The following GRID1 variants were observed in gnomAD, a reference collection of about 807,000 sequenced individuals.
GRID1 encodes the protein glutamate ionotropic receptor delta type subunit 1.
In GRID1, 28 loss-of-function variants were observed where a neutral mutation model predicts 98.0. The ratio of observed to expected loss-of-function variants is 0.29; its 90% CI spans 0.21 to 0.39. The LOEUF (loss-of-function observed/expected upper bound fraction) is 0.39. Among genes scored for constraint, GRID1 ranks in the 10% least tolerant of loss-of-function variants. GRID1 has a pLI of 1.00. For missense variants in GRID1, 1,111 were observed against 1,340.5 expected (o/e 0.83, Z 2.67); for synonymous variants, 553 against 538.5 (o/e 1.03, Z -0.37).
chr10:85,867,717 T>C (rs923596733), intron 6 of GRID1, among the ~76,000 whole-genome samples: 1 of 152,150 alleles, frequency 6.6e-6, no homozygotes, highest in Non-Finnish European at 1.5e-5. Context: ...GGGCCTTGGG[T>C]CCACTCTCTT....
chr10:86,218,448 G>C (rs1846207140), intron 2 of GRID1, among the ~76,000 whole-genome samples: 1 of 152,170 alleles, frequency 6.6e-6, no homozygotes, highest in Non-Finnish European at 1.5e-5. Flanking sequence ...TTCTAGGAAA[G>C]GTTGGAGTGG....
intron 13 of GRID1, among the ~76,000 whole-genome samples, chr10:85,641,676 C>T (rs565994821): frequency 2.0e-5 from 3 of 152,310 alleles, no homozygotes; most frequent in African/African-American, 7.2e-5. Flanking sequence ...ATCAAGTAGT[C>T]GGTTTCAGAT....
At chr10:86,014,075 T>C (rs967023093) in intron 4 of GRID1, among the ~76,000 whole-genome samples, 4 of 152,202 alleles carry the variant, frequency 2.6e-5, no homozygotes, top group African/African-American at 7.2e-5. Flanking sequence ...CAACTTTTAA[T>C]GGGGCCCAGA....
At chr10:86,129,739 A>T (rs935192689) in intron 4 of GRID1, among the ~76,000 whole-genome samples, 3 of 152,230 alleles carry the variant, frequency 2.0e-5, no homozygotes, top group Non-Finnish European at 4.4e-5. Flanking sequence ...ACTAGGGCCT[A>T]TGCTAGATGG....
At chr10:86,302,131 GC>G (rs1365399740) in intron 2 of GRID1, among the ~76,000 whole-genome samples, 1 of 152,160 alleles carries the variant, frequency 6.6e-6, no homozygotes, top group Non-Finnish European at 1.5e-5. Context: ...CCTCACCCTG[GC>G]ACATGGTCTA....
chr10:86,020,455 C>T (rs546712464), intron 4 of GRID1, among the ~76,000 whole-genome samples: 1 of 152,340 alleles, frequency 6.6e-6, no homozygotes, highest in East Asian at 1.9e-4. Flanking sequence ...GGCACAGCCC[C>T]AGCACAGCCT....
chr10:85,918,056 C>T (rs1309385258), intron 4 of GRID1, among the ~76,000 whole-genome samples: 1 of 152,238 alleles, frequency 6.6e-6, no homozygotes, highest in African/African-American at 2.4e-5. Flanking sequence ...GCTCTGAGCG[C>T]ATCGCTGGGC....
At chr10:85,855,465 C>T (rs942550153) in intron 7 of GRID1, among the ~76,000 whole-genome samples, 1 of 152,236 alleles carries the variant, frequency 6.6e-6, no homozygotes, top group Non-Finnish European at 1.5e-5. Context: ...TTCTCACCTA[C>T]ACTAAAGCAT....
At chr10:85,900,470 G>A (rs1193038897) in intron 5 of GRID1, among the ~76,000 whole-genome samples, 1 of 152,180 alleles carries the variant, frequency 6.6e-6, no homozygotes, top group Non-Finnish European at 1.5e-5. Context: ...GCTGCATATG[G>A]TAATTAAAGC....
At chr10:86,147,334 T>C (rs1462463489) in intron 3 of GRID1, among the ~76,000 whole-genome samples, 1 of 152,206 alleles carries the variant, frequency 6.6e-6, no homozygotes, top group Non-Finnish European at 1.5e-5. Flanking sequence ...TTAACTTTTG[T>C]TTTAGTTTCA....
At chr10:85,682,991 T>C (rs960391668) in intron 12 of GRID1, among the ~76,000 whole-genome samples, 7 of 152,374 alleles carry the variant, frequency 4.6e-5, no homozygotes, top group Non-Finnish European at 8.8e-5. Flanking sequence ...CCTACATTTC[T>C]ACTTTTGTTG....
chr10:86,155,321 A>G (rs1478892370), intron 3 of GRID1, among the ~76,000 whole-genome samples: 1 of 152,192 alleles, frequency 6.6e-6, no homozygotes, highest in Non-Finnish European at 1.5e-5. Context: ...TGTCAACCAC[A>G]CAGCCTCTGC....
intron 4 of GRID1, among the ~76,000 whole-genome samples, chr10:86,045,738 A>C (rs930876918): frequency 6.6e-6 from 1 of 152,182 alleles, no homozygotes; most frequent in Non-Finnish European, 1.5e-5. Context: ...AACATCTATC[A>C]ATCTTCATGA....
intron 8 of GRID1, among the ~76,000 whole-genome samples, chr10:85,783,177 C>T (rs1017548605): frequency 6.6e-6 from 1 of 152,158 alleles, no homozygotes; most frequent in Non-Finnish European, 1.5e-5. Flanking sequence ...AAGACTGTCT[C>T]CCGGGGGATC....
At chr10:86,178,057 G>T (rs1057383318) in intron 3 of GRID1, among the ~76,000 whole-genome samples, 1 of 152,024 alleles carries the variant, frequency 6.6e-6, no homozygotes, top group Non-Finnish European at 1.5e-5. Context: ...GAGGACTCTG[G>T]CTTCCTGTAA....
rs1164804424 is a variant in GRID1, at chr10:85,713,584, G to A, written c.1997+9419C>T. 2.0e-5 allele frequency among the ~76,000 whole-genome samples: 3 copies of A among 150,058 alleles called. No individual in the cohort carries two copies. In the East Asian group the frequency reaches 5.8e-4, roughly 29 times the overall value. On this transcript the variant is annotated intron_variant, in intron 12 of 15. Transcript: ENST00000327946. The stretch of plus-strand genomic sequence containing the variant: ...GCTAATATCCCAGATGAGCATAGAT[G>A]TGCAAATCTTCAACAAAATGCTAAC...
At chr10:85,963,832 C>A (rs886174235) in intron 4 of GRID1, among the ~76,000 whole-genome samples, 3 of 152,330 alleles carry the variant, frequency 2.0e-5, no homozygotes, top group Admixed American at 2.0e-4. Flanking sequence ...TATCTTATTT[C>A]TCATTCTAGC....
chr10:85,923,147 A>G (rs80072959), intron 4 of GRID1, among the ~76,000 whole-genome samples: 4,625 of 151,952 alleles, frequency 0.03, 98 homozygotes, highest in Middle Eastern at 0.054. Context: ...CTTGATGGTC[A>G]TCTGTTCCCA....
chr10:86,149,368 T>C (rs1312710485), intron 3 of GRID1, among the ~76,000 whole-genome samples: 1 of 152,208 alleles, frequency 6.6e-6, no homozygotes, highest in African/African-American at 2.4e-5. Flanking sequence ...GGAAAGGGAA[T>C]GGGTGGTCTG....
Sources: allele counts gnomAD v4.1 joint callset (sites outside exome capture counted in the v4.1 genomes callset), GRCh38; gene constraint gnomAD v4.1.1; transcripts MANE v1.5; gene names NCBI Gene and HGNC (gene_info 2026-07-23, HGNC 2026-07-21).